Variants in NRXN3 observed in about 807,000 individuals in gnomAD.
The protein encoded by NRXN3 is neurexin 3, also known as neurexin III.
In NRXN3, 32 loss-of-function variants were observed where a neutral mutation model predicts 137.6. The ratio of observed to expected loss-of-function variants is 0.23; its 90% confidence interval spans 0.18 to 0.31. NRXN3 has a LOEUF of 0.31. Ranked by LOEUF, NRXN3 falls within the 10% of genes least tolerant of loss-of-function variation. The pLI is 1.00. For synonymous variants in NRXN3, 798 were observed against 784.5 expected (o/e 1.02, Z -0.29); for missense variants, 1,574 against 2,062.5 (o/e 0.76, Z 4.59).
chr14:79,365,360 T>A (rs1463888858), intron 15 of NRXN3, among the ~76,000 whole-genome samples: 1 of 152,158 alleles, frequency 6.6e-6, no homozygotes, highest in Admixed American at 6.5e-5. Context: ...CCAAACATAT[T>A]TATTTGCTGA....
intron 8 of NRXN3, among the ~76,000 whole-genome samples, chr14:78,726,528 T>G (rs1372200540): frequency 1.3e-5 from 2 of 149,314 alleles, no homozygotes; most frequent in African/African-American, 4.9e-5. Context: ...TTTTTTTTTT[T>G]TTTTTTTGAG....
intron 15 of NRXN3, chr14:79,281,828 A>G (rs1307832988): frequency 6.6e-6 from 1 of 152,220 alleles, no homozygotes; most frequent in Non-Finnish European, 1.5e-5. Flanking sequence ...AAGACTGATA[A>G]CATCCAGACC....
intron 15 of NRXN3, among the ~76,000 whole-genome samples, chr14:79,158,129 G>C (rs1165743465): frequency 6.6e-6 from 1 of 151,552 alleles, no homozygotes; most frequent in Non-Finnish European, 1.5e-5. Flanking sequence ...CTCAAATGCA[G>C]GTTGATTTAT....
At chr14:78,448,847 A>G (rs2094484367) in intron 4 of NRXN3, among the ~76,000 whole-genome samples, 1 of 152,090 alleles carries the variant, frequency 6.6e-6, no homozygotes, top group South Asian at 2.1e-4. Flanking sequence ...AACTGACCCC[A>G]GTCTTCAGCC....
intron 16 of NRXN3, chr14:79,572,702 C>G (rs1159146772): frequency 6.6e-6 from 1 of 152,170 alleles, no homozygotes; most frequent in Non-Finnish European, 1.5e-5. Flanking sequence ...GAGAACCTAT[C>G]TTTAATTACC....
intron 15 of NRXN3, among the ~76,000 whole-genome samples, chr14:79,338,443 G>A (rs1167145845): frequency 6.6e-6 from 1 of 152,094 alleles, no homozygotes; most frequent in Non-Finnish European, 1.5e-5. Flanking sequence ...TCCCTCCAGT[G>A]TACTTAGTAG....
chr14:79,804,423 T>TGCCTCA (rs1220313699), intron 19 of NRXN3, among the ~76,000 whole-genome samples: 1 of 152,110 alleles, frequency 6.6e-6, no homozygotes, highest in East Asian at 1.9e-4. Flanking sequence ...ATTTAAAAGG[T>TGCCTCA]GCCTCAAGTC....
intron 1 of NRXN3, among the ~76,000 whole-genome samples, chr14:78,196,077 A>G (rs564475612): frequency 6.6e-6 from 1 of 152,358 alleles, no homozygotes; most frequent in South Asian, 2.1e-4. Context: ...GGGCCAAGGA[A>G]TATTTCCTCT....
At chr14:78,513,833 G>T (rs2096155562) in intron 4 of NRXN3, among the ~76,000 whole-genome samples, 1 of 152,058 alleles carries the variant, frequency 6.6e-6, no homozygotes, top group South Asian at 2.1e-4. Context: ...TTCCTGACAT[G>T]CAGAAAGCTT....
At chr14:79,374,054 C>T (rs2094189391) in intron 15 of NRXN3, among the ~76,000 whole-genome samples, 1 of 151,948 alleles carries the variant, frequency 6.6e-6, no homozygotes, top group South Asian at 2.1e-4. Context: ...GATCTGTGGA[C>T]CAACTTACTA....
At chr14:78,288,817 A>T (rs1317370172) in intron 3 of NRXN3, among the ~76,000 whole-genome samples, 2 of 152,186 alleles carry the variant, frequency 1.3e-5, no homozygotes, top group East Asian at 3.8e-4. Flanking sequence ...ATAGCTTGGG[A>T]ATATGCTGGA....
At chr14:79,177,036 A>G (rs895838750) in intron 15 of NRXN3, among the ~76,000 whole-genome samples, 3 of 152,220 alleles carry the variant, frequency 2.0e-5, no homozygotes, top group Non-Finnish European at 2.9e-5. Flanking sequence ...TACTGTTGAA[A>G]TAGCTCTAGA....
chr14:78,275,042 T>C (rs1023625686), intron 2 of NRXN3, among the ~76,000 whole-genome samples: 1 of 152,242 alleles, frequency 6.6e-6, no homozygotes, highest in African/African-American at 2.4e-5. Flanking sequence ...GCTATTCCCC[T>C]GCCTAAGTAG....
intron 4 of NRXN3, among the ~76,000 whole-genome samples, chr14:78,425,575 A>G (rs1361220761): frequency 6.6e-6 from 1 of 152,118 alleles, no homozygotes; most frequent in East Asian, 1.9e-4. Flanking sequence ...CCCCTTGACT[A>G]AACCCTCTGC....
chr14:79,512,139 T>A lies in NRXN3; in HGVS notation c.3444+44737T>A, dbSNP rs369944153. Among the ~76,000 whole-genome samples, 176 of 152,304 alleles carry A rather than the reference T, an allele frequency of 1.2e-3. 1 individual carries two copies. Among genetic ancestry groups the A allele is most frequent in the African/African-American group, 2.7e-3 (114 of 41,568 alleles). On this transcript the variant is annotated intron_variant, in intron 16 of 20. Coordinates refer to ENST00000335750, the MANE Select transcript of NRXN3 (RefSeq NM_001330195.2). ...ATCTTGAACTCCTGACCTCAGGTGA[T>A]CTGCCTGACTCGGCCTCCCAAAGGG... is the stretch of plus-strand genomic sequence containing the variant.
At chr14:79,555,813 A>AT (rs2097423746) in intron 16 of NRXN3, among the ~76,000 whole-genome samples, 1 of 152,062 alleles carries the variant, frequency 6.6e-6, no homozygotes, top group South Asian at 2.1e-4. Flanking sequence ...TCCGTTACGT[A>AT]TTTTCACCTT....
intron 15 of NRXN3, among the ~76,000 whole-genome samples, chr14:78,993,291 T>TAC (rs1244312516): frequency 6.6e-6 from 1 of 152,156 alleles, no homozygotes; most frequent in Non-Finnish European, 1.5e-5. Context: ...ATACAAGCAA[T>TAC]GTATGCATTA....
At chr14:78,593,499 CCA>C (rs1267636856) in intron 4 of NRXN3, among the ~76,000 whole-genome samples, 1 of 152,190 alleles carries the variant, frequency 6.6e-6, no homozygotes, top group East Asian at 1.9e-4. Context: ...ACCCTTGTGA[CCA>C]CAGTTATCTG....
intron 4 of NRXN3, among the ~76,000 whole-genome samples, chr14:78,401,225 C>G (rs8020842): frequency 6.6e-6 from 1 of 151,960 alleles, no homozygotes. Flanking sequence ...AGTGCAATAG[C>G]GTGATCTTGG....
Sources: allele counts gnomAD v4.1 joint callset (sites outside exome capture counted in the v4.1 genomes callset), GRCh38; gene constraint gnomAD v4.1.1; transcripts MANE v1.5; gene names NCBI Gene and HGNC (gene_info 2026-07-23, HGNC 2026-07-21).